The following TJP3 variants were observed in gnomAD, a reference collection of about 807,000 sequenced individuals.
TJP3 encodes the protein tight junction protein ZO-3.
Under a neutral mutation model 104.2 loss-of-function variants are expected in TJP3, and 85 were observed. The ratio of observed to expected loss-of-function variants is 0.82; its 90% CI spans 0.68 to 0.98. The LOEUF is 0.98. Ranked by LOEUF, TJP3 falls within the 50% of genes least tolerant of loss-of-function variation. The probability of loss-of-function intolerance (pLI) is 0.00; values close to 1 mark genes in which losing one functional copy is unlikely to be tolerated. For synonymous variants in TJP3, 550 were observed against 550.6 expected, an observed-to-expected ratio of 1.00 and a Z score of 0.02; for missense variants, 1,367 against 1,322.8, an observed-to-expected ratio of 1.03 and a Z score of -0.52.
chr19:3,747,451 C>A (rs2036914304), intron 18 of TJP3, among the ~76,000 whole-genome samples: 1 of 152,068 alleles, frequency 6.6e-6, no homozygotes, highest in African/African-American at 2.4e-5. Flanking sequence ...AGGAGAATCA[C>A]TTGAACCCGG....
chr19:3,708,749 C>T (rs774374160), intron 1 of TJP3, among the ~76,000 whole-genome samples, 188 bp downstream of exon 1: 3 of 152,116 alleles, frequency 2.0e-5, no homozygotes, highest in Non-Finnish European at 4.4e-5. Flanking sequence ...ATTATCTGAC[C>T]GGCAGTTACT....
In TJP3 at chr19:3,750,762, C is replaced by A; in HGVS notation, c.*78C>A. The A allele has an allele frequency of 8.0e-7, 1 of 1,255,734 alleles. No homozygotes were observed. The highest frequency in any genetic ancestry group is 1.1e-6 in the Non-Finnish European group (1 of 879,414). The allele number at this position is 1,255,734 out of a possible 1,614,324, so 77.8% of individuals were successfully genotyped here. A position where few individuals can be genotyped will look rare whatever the true frequency, so the allele number is the denominator to read the frequency against. On this transcript the variant is annotated 3_prime_UTR_variant, in exon 21 of 21. Coordinates refer to ENST00000541714, the MANE Select transcript of TJP3 (RefSeq NM_001267560.2). ...GACTCAGTTTCCCATACAGAACCCA[C>A]AACCTTACCTCCCTCCGCCTGGTCT... is the stretch of plus-strand genomic sequence containing the variant.
At chr19:3,747,523 CCTT>C (rs1295655137) in intron 18 of TJP3, among the ~76,000 whole-genome samples, 1 of 152,168 alleles carries the variant, frequency 6.6e-6, no homozygotes, top group Non-Finnish European at 1.5e-5. Context: ...AACAGAGACT[CCTT>C]CTCATAAAAA....
At chr19:3,748,567 CTT>C (rs754151380) in intron 19 of TJP3, among the ~76,000 whole-genome samples, 4,301 of 107,706 alleles carry the variant, frequency 0.04, 151 homozygotes, top group African/African-American at 0.14. Flanking sequence ...TGCACCCAGG[CTT>C]TTTTTTTTTT....
At chr19:3,733,482 T>A (rs762079253) in intron 6 of TJP3, among the ~76,000 whole-genome samples, 1 of 152,218 alleles carries the variant, frequency 6.6e-6, no homozygotes, top group Non-Finnish European at 1.5e-5. Flanking sequence ...TTTCCACTTT[T>A]GGTAAGAAAG....
intron 10 of TJP3, 93 bp from the exon 11 acceptor site, chr19:3,736,072 C>A: frequency 6.4e-7 from 1 of 1,569,378 alleles, no homozygotes; most frequent in Non-Finnish European, 8.7e-7. Flanking sequence ...GAAACTGAGG[C>A]CTGGAGGGGG....
Position 3,735,644 on chromosome 19 carries a change from G to A in TJP3, c.1060+5G>A, listed in dbSNP as rs374159141. The A allele has an allele frequency of 3.9e-5, 63 of 1,614,072 alleles. 1 individual carries two copies. The East Asian group carries it at 9.4e-4, about 24-fold the overall frequency. On this transcript the variant is annotated splice_donor_5th_base_variant and intron_variant, in intron 9 of 20. Coordinates refer to ENST00000541714, the MANE Select transcript of TJP3 (RefSeq NM_001267560.2). Reference sequence around the variant, plus strand: ...AACCAGATGAGCAACGGTCAGGTGGGTGGTGACTCTGAGCACCCCTGTCCC... The same window carrying A: ...AACCAGATGAGCAACGGTCAGGTGGATGGTGACTCTGAGCACCCCTGTCCC...
At position 3,708,514 on chromosome 19, in the gene TJP3, G is replaced by T. The variant is rs1205956534; in HGVS notation, c.-57G>T. On this transcript the variant is annotated 5_prime_UTR_variant, in exon 1 of 21. Coordinates refer to ENST00000541714, the MANE Select transcript of TJP3 (RefSeq NM_001267560.2). The stretch of plus-strand genomic sequence containing the variant: ...CCACCCGTGCCAGGCAGGCACCCGG[G>T]CCCTGGCACCTGCTGCCTGCCCAGA... The T allele has an allele frequency of 6.6e-6, 1 of 152,220 alleles. No homozygotes were observed. Among genetic ancestry groups the T allele is most frequent in the African/African-American group, 2.4e-5 (1 of 41,444 alleles). 9.4% of individuals were successfully genotyped at this position (152,220 alleles called of 1,614,324 possible). A position where few individuals can be genotyped will look rare whatever the true frequency, so the allele number is the denominator to read the frequency against.
intron 2 of TJP3, 22 bp from the exon 3 acceptor site, chr19:3,728,582 C>T (rs2036628440): frequency 1.2e-6 from 2 of 1,607,720 alleles, no homozygotes; most frequent in Non-Finnish European, 1.7e-6. Flanking sequence ...AGCAGCTCTT[C>T]CTTCCCCTCA....
At chr19:3,715,445 G>A (rs1599141732) in intron 1 of TJP3, among the ~76,000 whole-genome samples, 1 of 152,122 alleles carries the variant, frequency 6.6e-6, no homozygotes, top group Non-Finnish European at 1.5e-5. Flanking sequence ...GTGGGAATAA[G>A]GGGCTTAAGG....
At position 3,743,924 on chromosome 19, in the gene TJP3, G is replaced by A; in HGVS notation, c.1844-15G>A. The A allele has an allele frequency of 6.2e-7, 1 of 1,613,364 alleles. No homozygotes were observed. The highest frequency in any genetic ancestry group is 8.5e-7 in the Non-Finnish European group (1 of 1,179,378). On this transcript the variant is annotated splice_polypyrimidine_tract_variant and intron_variant, in intron 14 of 20. Transcript: ENST00000541714. The stretch of plus-strand genomic sequence containing the variant: ...AATGGGACCCTGATTCTTTCACTGT[G>A]TCTCTACCCCTCAGCCAGTTTCAAG...
At chr19:3,710,455 C>A (rs939342714) in intron 1 of TJP3, among the ~76,000 whole-genome samples, 2 of 152,166 alleles carry the variant, frequency 1.3e-5, no homozygotes, top group Non-Finnish European at 2.9e-5. Context: ...CTGGCCCTGC[C>A]CCCAGCTGAT....
At chr19:3,738,378 C>T (rs2036765460) in intron 11 of TJP3, among the ~76,000 whole-genome samples, 177 bp from the exon 12 acceptor site, 1 of 152,234 alleles carries the variant, frequency 6.6e-6, no homozygotes, top group Admixed American at 6.5e-5. Flanking sequence ...CTGTGTCACA[C>T]ATCACACAGC....
Position 3,730,965 on chromosome 19 carries a change from G to A in TJP3, c.613+259G>A, listed in dbSNP as rs181594757. 1.1e-3 allele frequency among the ~76,000 whole-genome samples: 163 copies of A among 152,316 alleles called. No homozygotes were observed. The highest frequency in any genetic ancestry group is 3.7e-3 in the African/African-American group (153 of 41,562). ...CATAGTGCTTGCTGGGATTGTGGGC[G>A]TGAGCCACCGCGCCCAGCCTGGAAG... is the stretch of plus-strand genomic sequence containing the variant. On this transcript the variant is annotated intron_variant, in intron 5 of 20. Coordinates refer to ENST00000541714, the MANE Select transcript of TJP3 (RefSeq NM_001267560.2). This position sits in a 1 kb window ranked among gnomAD's most constrained non-coding sequence, Gnocchi z 7.3.
chr19:3,747,179 G>A (rs2036908970), intron 18 of TJP3, among the ~76,000 whole-genome samples: 1 of 151,958 alleles, frequency 6.6e-6, no homozygotes, highest in Non-Finnish European at 1.5e-5. Flanking sequence ...TCCTGCCTCA[G>A]CCTCCCGAGT....
Position 3,734,366 on chromosome 19 carries a change from C to A in TJP3, c.917C>A (p.Pro306Gln), listed in dbSNP as rs1479417121. 6.2e-7 allele frequency: 1 copy of A among 1,613,602 alleles called. No homozygotes were observed. Among genetic ancestry groups the A allele is most frequent in the African/African-American group, 1.3e-5 (1 of 74,930 alleles). Residue 306 changes from proline to glutamine, a missense_variant, in exon 8 of 21, where the codon CCA becomes CAA. By Grantham distance (76) the Pro-to-Gln change is moderately conservative. Transcript: ENST00000541714. ...DLASELSQAP[P>Q]SHIPPPPRHA... ...GCCTCGGAGCTATCGCAGGCACCAC[C>A]ATCCCACATCCCACCACCACCCCGG...
chr19:3,744,534 C>T (rs534038647), intron 15 of TJP3, among the ~76,000 whole-genome samples: 47 of 152,008 alleles, frequency 3.1e-4, no homozygotes, highest in African/African-American at 9.4e-4. Context: ...TGTGGTGGCG[C>T]GTACCTGTAG....
In TJP3 at chr19:3,746,511, C is replaced by T; in HGVS notation, c.2037C>T (p.Thr679=). The T allele has an allele frequency of 6.2e-7, 1 of 1,614,002 alleles. No individual in the cohort carries two copies. Among genetic ancestry groups the T allele is most frequent in the Non-Finnish European group, 8.5e-7 (1 of 1,180,020 alleles). Reference sequence around the variant, plus strand: ...ACAAGCATGCGCTCCTGGATGTGACCCCCTCCGCCATCGAGCGCCTCAACT... The same window carrying T: ...ACAAGCATGCGCTCCTGGATGTGACTCCCTCCGCCATCGAGCGCCTCAACT... The part of the protein sequence containing the change: ...EKDKHALLDV[T]PSAIERLNYV... The change falls in exon 17 of 21, where the codon ACC becomes ACT. Residue 679 remains threonine (T), a synonymous_variant. Coordinates refer to ENST00000541714, the MANE Select transcript of TJP3 (RefSeq NM_001267560.2). The surrounding 1 kb of genome is among the most constrained non-coding windows in gnomAD (Gnocchi z 4.1).
intron 19 of TJP3, chr19:3,749,719 C>T (rs2036964251): frequency 5.1e-6 from 1 of 195,312 alleles, no homozygotes; most frequent in South Asian, 1.1e-4. Flanking sequence ...TCTTCCACAC[C>T]CTCTCTAGGT....
Sources: gnomAD v4.1 joint callset for allele counts (sites outside exome capture counted in the v4.1 genomes callset) on GRCh38, gnomAD v4.1.1 for gene constraint, Gnocchi (gnomAD v3.1) non-coding constraint, MANE v1.5 for transcripts, NCBI Gene and HGNC (gene_info 2026-07-23, HGNC 2026-07-21) for gene names.